The following ACAP2 variants were observed in gnomAD, a reference collection of about 807,000 sequenced individuals.
ACAP2 encodes ArfGAP with coiled-coil, ankyrin repeat and PH domains 2, also known as arf-GAP with coiled-coil, ANK repeat and PH domain-containing protein 2.
ACAP2 carries 39 observed loss-of-function variants against 115.8 expected under a neutral mutation model. The observed-to-expected ratio is 0.34, with a 90% CI of 0.26 to 0.44. The LOEUF is 0.44. Among genes scored for constraint, ACAP2 ranks in the 20% least tolerant of loss-of-function variants. The pLI is 1.00. For missense variants in ACAP2, 662 were observed against 927.6 expected (o/e 0.71, Z 3.72); for synonymous variants, 289 against 315.8 (o/e 0.92, Z 0.90).
chr3:195,361,945 T>C (rs1732401164), intron 4 of ACAP2, among the ~76,000 whole-genome samples: 1 of 152,134 alleles, frequency 6.6e-6, no homozygotes, highest in Non-Finnish European at 1.5e-5. Flanking sequence ...CCTAGACACA[T>C]ACAGCCTACC....
In ACAP2 at chr3:195,357,572, G is replaced by A. The variant is rs546395990; in HGVS notation, c.286-12255C>T. The A allele has an allele frequency of 8.5e-5, 13 of 152,322 alleles. No individual in the cohort carries two copies. The South Asian group carries it at 1.0e-3, about 12-fold the overall frequency. The allele number at this position is 152,322 out of a possible 1,614,324, so 9.4% of individuals were successfully genotyped here. A position where few individuals can be genotyped will look rare whatever the true frequency, so the allele number is the denominator to read the frequency against. ...AGATCTGACGAAGTACAGTCCCAAC[G>A]ATGGCGGCGACAGGAGTGCTTGTAT... On this transcript the variant is annotated intron_variant, in intron 4 of 22. Coordinates refer to ENST00000326793, the MANE Select transcript of ACAP2 (RefSeq NM_012287.6).
At position 195,409,832 on chromosome 3, in the gene ACAP2, C is replaced by T. The variant is rs961256427; in HGVS notation, c.54-17685G>A. On this transcript the variant is annotated intron_variant, in intron 1 of 22. Coordinates refer to ENST00000326793, the MANE Select transcript of ACAP2 (RefSeq NM_012287.6). Reference sequence around the variant, plus strand: ...CAGATGTTGCAGTGAACCAAGATTGCGCCACTGCACTCCAGCCTGGGTAAC... The same window carrying T: ...CAGATGTTGCAGTGAACCAAGATTGTGCCACTGCACTCCAGCCTGGGTAAC... Among the ~76,000 whole-genome samples the T allele has an allele frequency of 1.0e-4, 12 of 120,524 alleles. No homozygotes were observed. In the East Asian group the frequency reaches 2.0e-3, roughly 20 times the overall value. The allele number at this position is 120,524 out of a possible 152,430, so 79.1% of individuals were successfully genotyped here.
chr3:195,435,288 C>T (rs1165708487), intron 1 of ACAP2, among the ~76,000 whole-genome samples: 2 of 150,356 alleles, frequency 1.3e-5, no homozygotes, highest in Non-Finnish European at 2.9e-5. Flanking sequence ...GATTCTCCTG[C>T]CTCAGCCTCC....
intron 1 of ACAP2, among the ~76,000 whole-genome samples, chr3:195,418,576 C>T (rs943592790): frequency 3.3e-5 from 5 of 152,136 alleles, no homozygotes; most frequent in African/African-American, 1.2e-4. Flanking sequence ...GGACTACAGA[C>T]ACACGCCTCC....
In ACAP2 at chr3:195,378,068, G is replaced by A. The variant is rs1264786768; in HGVS notation, c.285+2941C>T. On this transcript the variant is annotated intron_variant, in intron 4 of 22. Transcript: ENST00000326793. ...TAGTGAAAAAGAAGAGGGAGGGAGG[G>A]AGGGAGGAAGGGAGGAAGGGAGGAG... 5.5e-5 allele frequency among the ~76,000 whole-genome samples: 8 copies of A among 146,228 alleles called. No individual in the cohort carries two copies. In the East Asian group the frequency reaches 1.6e-3, roughly 29 times the overall value.
intron 1 of ACAP2, among the ~76,000 whole-genome samples, chr3:195,424,676 G>A (rs1168313090): frequency 6.6e-6 from 1 of 151,792 alleles, no homozygotes; most frequent in East Asian, 1.9e-4. Context: ...CCCACCTGGG[G>A]AGGCCAAGAT....
intron 3 of ACAP2, 143 bp downstream of exon 3, chr3:195,381,760 A>G: frequency 2.3e-6 from 2 of 859,828 alleles, no homozygotes; most frequent in Non-Finnish European, 1.8e-6. Context: ...AGAATCATAC[A>G]AGAGAGCACC....
chr3:195,311,100 TTTG>T (rs1368452887), intron 10 of ACAP2, among the ~76,000 whole-genome samples: 5 of 46,510 alleles, frequency 1.1e-4, no homozygotes, highest in East Asian at 1.7e-3. Context: ...TTGTTTTTTT[TTTG>T]TTTTTTTTTT....
At chr3:195,323,646 G>A (rs958348579) in intron 9 of ACAP2, among the ~76,000 whole-genome samples, 1 of 152,060 alleles carries the variant, frequency 6.6e-6, no homozygotes, top group Non-Finnish European at 1.5e-5. Flanking sequence ...AGAATTTGCC[G>A]GCCAGGAACA....
chr3:195,345,008 C>A (rs529347258), intron 5 of ACAP2, among the ~76,000 whole-genome samples: 6 of 152,146 alleles, frequency 3.9e-5, no homozygotes, highest in Non-Finnish European at 8.8e-5. Flanking sequence ...ATTTTTTAAA[C>A]CTATAGCTAC....
In ACAP2 at chr3:195,382,009, CAA is replaced by C. The variant is rs1733975785; in HGVS notation, c.123_124del (p.Cys42TyrfsTer5). On this transcript the variant is annotated frameshift_variant, in exon 3 of 23. Coordinates refer to ENST00000326793, the MANE Select transcript of ACAP2 (RefSeq NM_012287.6). LOFTEE classifies it high-confidence loss of function. Reference sequence around the variant, plus strand: ...TTTTCCAGTATCAATCATTGCAATACAAAGTTTCACAAGCTGAAAAAGAAAAA... The same window carrying C: ...TTTTCCAGTATCAATCATTGCAATACAGTTTCACAAGCTGAAAAAGAAAAA... The C allele has an allele frequency of 6.3e-7, 1 of 1,595,964 alleles. No individual in the cohort carries two copies.
At chr3:195,310,222 C>T (rs1287494077) in intron 10 of ACAP2, among the ~76,000 whole-genome samples, 1 of 152,094 alleles carries the variant, frequency 6.6e-6, no homozygotes, top group Non-Finnish European at 1.5e-5. Context: ...ACTAGACAGA[C>T]TTAGGTTTTC....
intron 4 of ACAP2, chr3:195,356,147 T>C (rs1428001334): frequency 2.2e-6 from 1 of 456,694 alleles, no homozygotes; most frequent in Non-Finnish European, 4.4e-6. Flanking sequence ...CCCCATGCGC[T>C]CGTAGCAACC....
intron 7 of ACAP2, among the ~76,000 whole-genome samples, chr3:195,333,582 A>C (rs1470465182): frequency 3.9e-5 from 6 of 152,240 alleles, no homozygotes; most frequent in African/African-American, 1.2e-4. Context: ...AATGAAAATA[A>C]ATTTTATTTA....
Position 195,342,451 on chromosome 3 carries a change from C to A in ACAP2, c.528+20G>T. On this transcript the variant is annotated intron_variant, in intron 6 of 22. Transcript: ENST00000326793. ...TAAGTAAGCACTGTCTGAAAACATACACAGTAAGAAACTATATACCTGAAG... is the reference window on the plus strand; with the variant it reads ...TAAGTAAGCACTGTCTGAAAACATAAACAGTAAGAAACTATATACCTGAAG... 6.4e-7 allele frequency: 1 copy of A among 1,569,774 alleles called. No individual in the cohort carries two copies.
intron 1 of ACAP2, among the ~76,000 whole-genome samples, chr3:195,428,391 TACAC>T (rs1714852024): frequency 6.6e-6 from 1 of 151,590 alleles, no homozygotes; most frequent in Admixed American, 6.6e-5. Context: ...TACATATATA[TACAC>T]ACACAGTCAT....
At chr3:195,347,876 G>A (rs547343696) in intron 4 of ACAP2, among the ~76,000 whole-genome samples, 1 of 152,112 alleles carries the variant, frequency 6.6e-6, no homozygotes, top group Non-Finnish European at 1.5e-5. Context: ...GCCAAGCATG[G>A]TGGCACACAC....
intron 10 of ACAP2, among the ~76,000 whole-genome samples, chr3:195,312,416 TAA>T (rs1256697486): frequency 6.6e-6 from 1 of 152,216 alleles, no homozygotes; most frequent in Non-Finnish European, 1.5e-5. Context: ...CTCAAATTTT[TAA>T]AAAGAGTTTA....
chr3:195,355,931 T>C (rs1051633639), intron 4 of ACAP2: 5 of 302,486 alleles, frequency 1.7e-5, no homozygotes, highest in Admixed American at 8.3e-5. Flanking sequence ...AGAAACAAGC[T>C]GGAATGGGAG....
Sources: gnomAD v4.1 joint callset for allele counts (sites outside exome capture counted in the v4.1 genomes callset) on GRCh38, gnomAD v4.1.1 for gene constraint, MANE v1.5 for transcripts, NCBI Gene and HGNC (gene_info 2026-07-23, HGNC 2026-07-21) for gene names.